The following DCDC2 variants were observed in gnomAD, a reference collection of about 807,000 sequenced individuals.
DCDC2 encodes doublecortin domain-containing protein 2.
Under a neutral mutation model 50.2 loss-of-function variants are expected in DCDC2, and 40 were observed. That is an observed-to-expected ratio of 0.80 (90% confidence interval 0.62 to 1.04). The LOEUF is 1.04. Ranked by LOEUF, DCDC2 falls within the 50% of genes least tolerant of loss-of-function variation. DCDC2 has a pLI of 0.00. For synonymous variants in DCDC2, 234 were observed against 210.6 expected (o/e 1.11, Z -0.96); for missense variants, 570 against 581.9 (o/e 0.98, Z 0.21).
At chr6:24,179,035 G>A (rs1760989889) in intron 8 of DCDC2, among the ~76,000 whole-genome samples, 2 of 151,450 alleles carry the variant, frequency 1.3e-5, no homozygotes, top group African/African-American at 4.9e-5. Flanking sequence ...TGGCCCAGAG[G>A]AAGAGGTTTA....
rs986696821 is a variant in DCDC2, at chr6:24,327,838, TA to T, written c.348+25730del. On this transcript the variant is annotated intron_variant, in intron 2 of 9. Transcript: ENST00000378454. Reference sequence around the variant, plus strand: ...GTAAACAAAATGAATATTCTTTAAATAAAAAAAATTTCTAAAAGCCTCTCAA... The same window carrying T: ...GTAAACAAAATGAATATTCTTTAAATAAAAAAATTTCTAAAAGCCTCTCAA... Among the ~76,000 whole-genome samples the T allele has an allele frequency of 9.9e-4, 151 of 152,168 alleles. 1 individual carries two copies. The highest frequency in any genetic ancestry group is 3.6e-3 in the African/African-American group (148 of 41,524).
intron 7 of DCDC2, among the ~76,000 whole-genome samples, chr6:24,225,450 C>T (rs1762212645): frequency 6.6e-6 from 1 of 151,734 alleles, no homozygotes; most frequent in Admixed American, 6.6e-5. Context: ...TCTGCATATA[C>T]ATACTGAACG....
intron 2 of DCDC2, among the ~76,000 whole-genome samples, chr6:24,303,036 T>C (rs1271813923): frequency 1.3e-5 from 2 of 151,974 alleles, no homozygotes; most frequent in Non-Finnish European, 2.9e-5. Flanking sequence ...GAAGGAACTA[T>C]ATGCCTTTAG....
chr6:24,179,550 A>T (rs1761009591), intron 8 of DCDC2, among the ~76,000 whole-genome samples: 1 of 17,562 alleles, frequency 5.7e-5, no homozygotes, highest in Non-Finnish European at 1.6e-4. Context: ...ACCATCTCAA[A>T]AAAAAAAAAA....
rs141467287 is a variant in DCDC2 at position 24,230,113 on chromosome 6, T to C, written c.923-25011A>G. 2.3e-3 allele frequency among the ~76,000 whole-genome samples: 355 copies of C among 152,354 alleles called. 3 individuals carry two copies. Among genetic ancestry groups the C allele is most frequent in the South Asian group, 0.023 (111 of 4,826 alleles). ...AAACATAAAGTTTTTAAAAATCTTA[T>C]TTTAATTCAACAATGTTTACTGAGC... is the stretch of plus-strand genomic sequence containing the variant. On this transcript the variant is annotated intron_variant, in intron 7 of 9. Transcript: ENST00000378454.
intron 7 of DCDC2, among the ~76,000 whole-genome samples, chr6:24,269,164 A>G (rs74920833): frequency 0.036 from 5,516 of 152,318 alleles, 227 homozygotes; most frequent in African/African-American, 0.1. Flanking sequence ...AGGGTATCAC[A>G]TAAGTGAGGA....
At chr6:24,379,143 C>T in the DCDC2 span, among the ~76,000 whole-genome samples, 1 of 151,982 alleles carries the variant, frequency 6.6e-6, no homozygotes, top group Non-Finnish European at 1.5e-5. Context: ...TGGGCAAAGA[C>T]TTCATGACTA....
intron 8 of DCDC2, among the ~76,000 whole-genome samples, chr6:24,190,977 C>G (rs2113750632): frequency 1.3e-5 from 2 of 152,306 alleles, no homozygotes; most frequent in Non-Finnish European, 2.9e-5. Context: ...GAGGACCAAA[C>G]TGGAAGACAG....
intron 8 of DCDC2, among the ~76,000 whole-genome samples, chr6:24,190,364 G>GT (rs1183193554): frequency 6.6e-6 from 1 of 152,082 alleles, no homozygotes; most frequent in Non-Finnish European, 1.5e-5. Context: ...GCGATGTTTG[G>GT]TTTTTCGTCC....
chr6:24,371,242 A>G, the DCDC2 span, among the ~76,000 whole-genome samples: 5 of 141,366 alleles, frequency 3.5e-5, no homozygotes, highest in Admixed American at 8.0e-5. Context: ...GCGCCATTGC[A>G]CTCCAGCCTG....
intron 7 of DCDC2, among the ~76,000 whole-genome samples, chr6:24,271,204 C>A (rs1229702207): frequency 5.7e-3 from 2 of 350 alleles, no homozygotes; most frequent in Non-Finnish European, 8.2e-3. Flanking sequence ...TGAGACACTC[C>A]CTCAAAAAAA....
At chr6:24,354,241 A>G (rs982936206) in intron 1 of DCDC2, among the ~76,000 whole-genome samples, 38 of 152,170 alleles carry the variant, frequency 2.5e-4, no homozygotes, top group African/African-American at 9.2e-4. Context: ...GCACAACCTG[A>G]AAACTGTATA....
intron 2 of DCDC2, among the ~76,000 whole-genome samples, chr6:24,352,614 AC>A (rs1221276191): frequency 2.8e-4 from 42 of 152,222 alleles, no homozygotes; most frequent in African/African-American, 9.9e-4. Context: ...CAAATACTGT[AC>A]AATTAGAATT....
chr6:24,222,014 G>A (rs1438054257), intron 7 of DCDC2, among the ~76,000 whole-genome samples: 7 of 152,308 alleles, frequency 4.6e-5, no homozygotes, highest in South Asian at 2.1e-4. Context: ...AAGCAAATTC[G>A]AAAGTTAAAA....
At chr6:24,199,557 A>G (rs1372288753) in intron 8 of DCDC2, among the ~76,000 whole-genome samples, 1 of 152,228 alleles carries the variant, frequency 6.6e-6, no homozygotes, top group African/African-American at 2.4e-5. Context: ...AGATGACAAT[A>G]AACCAGTAAA....
In DCDC2 at chr6:24,278,183, A is replaced by T. The variant is rs765972041; in HGVS notation, c.788T>A (p.Val263Asp). 1 of 1,612,296 alleles carries T rather than the reference A, an allele frequency of 6.2e-7. No homozygotes were observed. The highest frequency in any genetic ancestry group is 1.1e-5 in the South Asian group (1 of 90,456). The change falls in exon 7 of 10, where the codon GTT (valine) becomes GAT (aspartate). Residue 263 changes from valine (V) to aspartate (D), a missense_variant. Physicochemically the swap from Val to Asp is radical, Grantham distance 152. Transcript: ENST00000378454. The stretch of plus-strand genomic sequence containing the variant: ...AGGAGATGAGTTGTCACTGGATCCA[A>T]CTGTTGACTTAGAGTGGCGATCATT... The part of the protein sequence containing the change: ...SGNDRHSKST[V>D]GSSDNSSPQP...
intron 7 of DCDC2, among the ~76,000 whole-genome samples, chr6:24,245,692 C>T (rs1762655178): frequency 6.6e-6 from 1 of 152,006 alleles, no homozygotes; most frequent in African/African-American, 2.4e-5. Context: ...TGTGCAGACA[C>T]AACAAAGAGA....
intron 2 of DCDC2, among the ~76,000 whole-genome samples, chr6:24,323,042 C>T (rs1439270811): frequency 6.6e-6 from 1 of 152,212 alleles, no homozygotes; most frequent in South Asian, 2.1e-4. Context: ...AATTAAAGGA[C>T]CATCTACAAA....
chr6:24,236,251 C>T (rs796940951), intron 7 of DCDC2, among the ~76,000 whole-genome samples: 1 of 152,132 alleles, frequency 6.6e-6, no homozygotes, highest in Non-Finnish European at 1.5e-5. Context: ...ACCAATGGAA[C>T]AGATAGAGAA....
Sources: allele counts gnomAD v4.1 joint callset (sites outside exome capture counted in the v4.1 genomes callset), GRCh38; gene constraint gnomAD v4.1.1; transcripts MANE v1.5; gene names NCBI Gene and HGNC (gene_info 2026-07-23, HGNC 2026-07-21).